The following PLD1 variants were observed in gnomAD, a reference collection of about 807,000 sequenced individuals.
PLD1 encodes the protein phospholipase D1, also known as choline phosphatase 1.
A neutral mutation model predicts 137.1 loss-of-function variants in PLD1; 112 were observed. That is an observed-to-expected ratio of 0.82 (90% CI 0.70 to 0.96). The LOEUF (loss-of-function observed/expected upper bound fraction) is 0.96, where lower values mean the gene tolerates loss of function less well. PLD1 is among the 40% of genes least tolerant of loss of function. The probability of loss-of-function intolerance (pLI) is 0.00; values close to 1 mark genes in which losing one functional copy is unlikely to be tolerated. For synonymous variants in PLD1, 431 were observed against 454.7 expected (o/e 0.95, Z 0.66); for missense variants, 1,321 against 1,342.0 (o/e 0.98, Z 0.24).
chr3:171,754,025 C>T (rs1249682089), intron 1 of PLD1, among the ~76,000 whole-genome samples: 1 of 152,152 alleles, frequency 6.6e-6, no homozygotes, highest in Non-Finnish European at 1.5e-5. Context: ...TCAGGTGTCA[C>T]CTCTTCCAGA....
At chr3:171,711,167 C>CT (rs562934959) in intron 9 of PLD1, among the ~76,000 whole-genome samples, 1,887 of 94,746 alleles carry the variant, frequency 0.02, 50 homozygotes, top group East Asian at 0.045. Flanking sequence ...CTGTGCCAGC[C>CT]TTTTTTTTTT....
At chr3:171,651,323 GGTGTGTGTGT>G (rs3050440) in intron 21 of PLD1, among the ~76,000 whole-genome samples, 7 of 150,360 alleles carry the variant, frequency 4.7e-5, no homozygotes, top group African/African-American at 9.7e-5. Context: ...TAGGGCTTAG[GGTGTGTGTGT>G]GTGTGTGTGT....
rs1553845829 is a variant in PLD1, at chr3:171,764,866, A to AGAGAAAGAAAG, written c.-31-26785_-31-26784insCTTTCTTTCTC. Reference sequence around the variant, plus strand: ...AAGAAAGAAAGAAAGAAAGAAAGAAAGAAAGAAAGAAAGAAAGAAAGAAAG... The same window carrying AGAGAAAGAAAG: ...AAGAAAGAAAGAAAGAAAGAAAGAAAGAGAAAGAAAGGAAAGAAAGAAAGAAAGAAAGAAAG... On this transcript the variant is annotated intron_variant, in intron 1 of 26. Transcript: ENST00000351298. Among the ~76,000 whole-genome samples the AGAGAAAGAAAG allele has an allele frequency of 5.0e-3, 115 of 23,046 alleles. 11 individuals carry two copies. The highest frequency in any genetic ancestry group is 0.011 in the African/African-American group (62 of 5,536). The allele number at this position is 23,046 out of a possible 152,430, so 15.1% of individuals were successfully genotyped here.
intron 8 of PLD1, among the ~76,000 whole-genome samples, chr3:171,721,946 C>T (rs1037165212): frequency 2.0e-5 from 3 of 152,068 alleles, no homozygotes; most frequent in Admixed American, 1.3e-4. Flanking sequence ...TATCTTAAAT[C>T]GGTGTGTGTA....
At chr3:171,619,970 T>C (rs1323956425) in intron 24 of PLD1, among the ~76,000 whole-genome samples, 2 of 152,196 alleles carry the variant, frequency 1.3e-5, no homozygotes, top group African/African-American at 4.8e-5. Context: ...TGGCACATTA[T>C]TGGACTGCTG....
rs62281870 is a variant in PLD1 at position 171,620,746 on chromosome 3, A to C, written c.2594-226T>G. ...TCTCTCTCTCTCTCTCTCTCTCTAT[A>C]TATATATATATATATATATATATTA... On this transcript the variant is annotated intron_variant, in intron 23 of 26. Coordinates refer to ENST00000351298, the MANE Select transcript of PLD1 (RefSeq NM_002662.5). Among the ~76,000 whole-genome samples the C allele has an allele frequency of 0.35, 33,299 of 93,830 alleles. 4,920 individuals are homozygous for C. Among genetic ancestry groups the C allele is most frequent in the Non-Finnish European group, 0.44 (21,010 of 48,190 alleles). The allele number at this position is 93,830 out of a possible 152,430, so 61.6% of individuals were successfully genotyped here. A position where few individuals can be genotyped will look rare whatever the true frequency, so the allele number is the denominator to read the frequency against.
chr3:171,684,243 T>TTG (rs1714321675), intron 16 of PLD1, among the ~76,000 whole-genome samples: 1 of 152,190 alleles, frequency 6.6e-6, no homozygotes, highest in Non-Finnish European at 1.5e-5. Flanking sequence ...CCAGCAACAC[T>TTG]ATCAGTCATA....
intron 1 of PLD1, among the ~76,000 whole-genome samples, chr3:171,797,817 A>G (rs1455770244): frequency 6.6e-6 from 1 of 152,186 alleles, no homozygotes. Flanking sequence ...AAACTGACTG[A>G]AGTTGGCTAA....
chr3:171,605,208 C>A (rs1273998053), intron 26 of PLD1, 91 bp downstream of exon 26: 1 of 822,446 alleles, frequency 1.2e-6, no homozygotes, highest in East Asian at 2.4e-5. Flanking sequence ...ATTAAGAATA[C>A]CCTGTACCAA....
intron 6 of PLD1, among the ~76,000 whole-genome samples, chr3:171,726,999 C>T (rs146613144): frequency 7.9e-5 from 12 of 152,194 alleles, no homozygotes; most frequent in Admixed American, 4.6e-4. Context: ...TAGCCATAGA[C>T]GCATACATAA....
At chr3:171,737,027 A>T (rs1003100796) in intron 3 of PLD1, among the ~76,000 whole-genome samples, 1 of 152,244 alleles carries the variant, frequency 6.6e-6, no homozygotes, top group African/African-American at 2.4e-5. Flanking sequence ...GAGGCAGAGT[A>T]TGGCTGCAGA....
intron 16 of PLD1, among the ~76,000 whole-genome samples, chr3:171,678,252 A>G (rs529817196): frequency 6.6e-6 from 1 of 152,232 alleles, no homozygotes; most frequent in Non-Finnish European, 1.5e-5. Flanking sequence ...TTAATTAGCT[A>G]AGTGACACTG....
chr3:171,618,462 T>C (rs142056509), intron 24 of PLD1, among the ~76,000 whole-genome samples: 31 of 152,350 alleles, frequency 2.0e-4, no homozygotes, highest in Non-Finnish European at 4.3e-4. Context: ...TGAAGAAATA[T>C]GTGGCTTTGT....
At chr3:171,613,932 T>C (rs76211150) in intron 24 of PLD1, among the ~76,000 whole-genome samples, 26,571 of 152,160 alleles carry the variant, frequency 0.17, 2,423 homozygotes, top group South Asian at 0.24. Context: ...CTGCAACAAC[T>C]CCACTGCTTC....
chr3:171,708,504 C>A (rs1171230790), intron 11 of PLD1, among the ~76,000 whole-genome samples: 4 of 152,202 alleles, frequency 2.6e-5, no homozygotes, highest in Non-Finnish European at 4.4e-5. Context: ...GACATGAAAA[C>A]TTGGAAGTCT....
At chr3:171,633,393 A>G (rs1734839850) in intron 23 of PLD1, among the ~76,000 whole-genome samples, 1 of 152,216 alleles carries the variant, frequency 6.6e-6, no homozygotes, top group African/African-American at 2.4e-5. Context: ...ACATAATGCC[A>G]TGGAGGTATC....
intron 16 of PLD1, among the ~76,000 whole-genome samples, chr3:171,683,329 C>T (rs1714203282): frequency 6.6e-6 from 1 of 152,178 alleles, no homozygotes; most frequent in Non-Finnish European, 1.5e-5. Context: ...TCGCTCAAGA[C>T]CATCCGATGA....
At chr3:171,606,921 A>G (rs985485398) in intron 25 of PLD1, among the ~76,000 whole-genome samples, 1 of 152,208 alleles carries the variant, frequency 6.6e-6, no homozygotes, top group Non-Finnish European at 1.5e-5. Flanking sequence ...AGAATATTCA[A>G]ATTACTGCAA....
intron 23 of PLD1, among the ~76,000 whole-genome samples, chr3:171,637,787 T>A (rs1044551993): frequency 6.6e-6 from 1 of 152,176 alleles, no homozygotes; most frequent in Non-Finnish European, 1.5e-5. Context: ...AGCATGATAC[T>A]ATACTGAATA....
Sources: allele counts gnomAD v4.1 joint callset (sites outside exome capture counted in the v4.1 genomes callset), GRCh38; gene constraint gnomAD v4.1.1; transcripts MANE v1.5; gene names NCBI Gene and HGNC (gene_info 2026-07-23, HGNC 2026-07-21).